AUH: variants seen among roughly 807,000 people sequenced by gnomAD.
AUH encodes methylglutaconyl-CoA hydratase, mitochondrial.
A neutral mutation model predicts 42.3 loss-of-function variants in AUH; 29 were observed. That is an observed-to-expected ratio of 0.69 (90% confidence interval 0.51 to 0.93). The LOEUF (loss-of-function observed/expected upper bound fraction) is 0.93. Ranked by LOEUF, AUH falls within the 40% of genes least tolerant of loss-of-function variation. AUH has a pLI of 0.00. For missense variants in AUH, 452 were observed against 438.1 expected, an observed-to-expected ratio of 1.03 and a Z score of -0.28; for synonymous variants, 174 against 166.4, an observed-to-expected ratio of 1.05 and a Z score of -0.35.
At chr9:91,345,120 G>T (rs1831397611) in intron 3 of AUH, among the ~76,000 whole-genome samples, 2 of 151,986 alleles carry the variant, frequency 1.3e-5, no homozygotes, top group South Asian at 4.1e-4. Flanking sequence ...TAAAAGACTG[G>T]ATGCCTTCCC....
chr9:91,309,135 GGCGTGGTGGCTCAT>G (rs1291582211), intron 4 of AUH, among the ~76,000 whole-genome samples: 1 of 151,740 alleles, frequency 6.6e-6, no homozygotes, highest in Non-Finnish European at 1.5e-5. Flanking sequence ...TTGCTGGCCA[GGCGTGGTGGCTCAT>G]GCCTGTAATC....
intron 3 of AUH, among the ~76,000 whole-genome samples, chr9:91,353,086 TGAGG>T: frequency 6.6e-6 from 1 of 152,006 alleles, no homozygotes; most frequent in Non-Finnish European, 1.5e-5. Flanking sequence ...ACTGTGTTTT[TGAGG>T]TTTCTTTTTT....
At chr9:91,246,065 G>T (rs998831019) in intron 6 of AUH, among the ~76,000 whole-genome samples, 1 of 151,978 alleles carries the variant, frequency 6.6e-6, no homozygotes, top group African/African-American at 2.4e-5. Flanking sequence ...GGTGGAGGCA[G>T]CCTGGGAAAA....
At chr9:91,234,659 A>G (rs1813418564) in intron 6 of AUH, among the ~76,000 whole-genome samples, 1 of 151,784 alleles carries the variant, frequency 6.6e-6, no homozygotes, top group South Asian at 2.1e-4. Context: ...TAATTTATTG[A>G]TTAACCTAAC....
intron 6 of AUH, among the ~76,000 whole-genome samples, chr9:91,267,670 T>C (rs1434131282): frequency 6.6e-6 from 1 of 152,124 alleles, no homozygotes. Context: ...ACTGAAATGC[T>C]GCATCCTTGC....
intron 3 of AUH, 134 bp downstream of exon 3, chr9:91,355,749 A>T: frequency 8.0e-6 from 6 of 747,644 alleles, no homozygotes; most frequent in Admixed American, 5.0e-5. Flanking sequence ...TTTTCTTGTG[A>T]ATCAGTAAAA....
intron 6 of AUH, among the ~76,000 whole-genome samples, chr9:91,231,421 G>A (rs556232160): frequency 1.2e-4 from 18 of 152,236 alleles, no homozygotes; most frequent in South Asian, 4.1e-4. Flanking sequence ...GCTCACACAC[G>A]GTGCGCGCAC....
chr9:91,296,016 C>T lies in AUH; in HGVS notation c.655+5G>A, dbSNP rs1043961603. ...ATTTGAGGAATGGGCGTGAACTACT[C>T]ATACCTCCACCAGGAATAATCGCCA... On this transcript the variant is annotated splice_donor_5th_base_variant and intron_variant, in intron 6 of 9. Coordinates refer to ENST00000375731, the MANE Select transcript of AUH (RefSeq NM_001698.3). 1 of 1,614,004 alleles carries T rather than the reference C, an allele frequency of 6.2e-7. No homozygotes were observed. The highest frequency in any genetic ancestry group is 8.5e-7 in the Non-Finnish European group (1 of 1,179,954).
In AUH at chr9:91,325,240, T is replaced by C. The variant is rs1829885783; in HGVS notation, c.505+78A>G. 7 of 1,126,886 alleles carry C rather than the reference T, an allele frequency of 6.2e-6. No homozygotes were observed. In the East Asian group the frequency reaches 7.2e-5, roughly 12 times the overall value. The allele number at this position is 1,126,886 out of a possible 1,614,324, so 69.8% of individuals were successfully genotyped here. On this transcript the variant is annotated intron_variant, in intron 4 of 9. Coordinates refer to ENST00000375731, the MANE Select transcript of AUH (RefSeq NM_001698.3). ...TATATAAATATTTAACCAATGCTTA[T>C]ATATAATGTGTAACTTTTTAAATGT...
At chr9:91,334,888 A>C (rs1830588546) in intron 3 of AUH, among the ~76,000 whole-genome samples, 1 of 152,170 alleles carries the variant, frequency 6.6e-6, no homozygotes, top group Non-Finnish European at 1.5e-5. Flanking sequence ...ATTCTCTCCA[A>C]TAAAGCCAAA....
At chr9:91,249,250 T>C (rs186926431) in intron 6 of AUH, among the ~76,000 whole-genome samples, 122 of 134,252 alleles carry the variant, frequency 9.1e-4, no homozygotes, top group Non-Finnish European at 1.6e-3. Flanking sequence ...TGAGCCATGA[T>C]TGCACCACTG....
intron 9 of AUH, 127 bp from the exon 10 acceptor site, chr9:91,214,552 C>A: frequency 1.3e-6 from 1 of 746,390 alleles, no homozygotes; most frequent in Non-Finnish European, 2.2e-6. Context: ...CTGAACAATT[C>A]TCCTAATTAT....
intron 6 of AUH, among the ~76,000 whole-genome samples, chr9:91,263,423 C>A (rs1829805560): frequency 6.6e-6 from 1 of 152,098 alleles, no homozygotes; most frequent in African/African-American, 2.4e-5. Flanking sequence ...TTGTCGTTAT[C>A]CAAAATAACT....
At chr9:91,228,339 A>G (rs371993520) in intron 6 of AUH, among the ~76,000 whole-genome samples, 2 of 151,838 alleles carry the variant, frequency 1.3e-5, no homozygotes, top group East Asian at 1.9e-4. Flanking sequence ...GTTTATTTGC[A>G]TAGAGGTGTT....
chr9:91,291,521 T>C (rs1367174934), intron 6 of AUH, among the ~76,000 whole-genome samples: 1 of 152,232 alleles, frequency 6.6e-6, no homozygotes, highest in East Asian at 1.9e-4. Context: ...GTCTTATAAA[T>C]CCTTCTGGTG....
At chr9:91,254,317 GGGAACAA>G (rs1256863808) in intron 6 of AUH, among the ~76,000 whole-genome samples, 1 of 152,174 alleles carries the variant, frequency 6.6e-6, no homozygotes, top group Admixed American at 6.5e-5. Flanking sequence ...CAGGGGCACT[GGGAACAA>G]GAAGGCCTCT....
Position 91,241,466 on chromosome 9 carries a change from T to C in AUH, c.656-20474A>G, listed in dbSNP as rs547772929. 2.2e-3 allele frequency among the ~76,000 whole-genome samples: 339 copies of C among 152,286 alleles called. 1 individual carries two copies. Among genetic ancestry groups the C allele is most frequent in the African/African-American group, 7.4e-3 (308 of 41,558 alleles). ...ATCTACAAATGTATTATAAGGATTA[T>C]GGCTAGGCTGGATATTTTTTCCTTT... On this transcript the variant is annotated intron_variant, in intron 6 of 9. Coordinates refer to ENST00000375731, the MANE Select transcript of AUH (RefSeq NM_001698.3).
intron 6 of AUH, among the ~76,000 whole-genome samples, chr9:91,225,031 T>C (rs2131244773): frequency 6.6e-6 from 1 of 152,306 alleles, no homozygotes; most frequent in East Asian, 1.9e-4. Context: ...TCCGGAATAG[T>C]TACCCCAAAT....
intron 3 of AUH, among the ~76,000 whole-genome samples, chr9:91,332,239 C>T (rs187092038): frequency 7.9e-5 from 12 of 152,308 alleles, no homozygotes; most frequent in African/African-American, 2.6e-4. Context: ...CGGTGGCTCA[C>T]GCCTGGAATC....
Sources: gnomAD v4.1 joint callset for allele counts (sites outside exome capture counted in the v4.1 genomes callset) on GRCh38, gnomAD v4.1.1 for gene constraint, MANE v1.5 for transcripts, NCBI Gene and HGNC (gene_info 2026-07-23, HGNC 2026-07-21) for gene names.